ZNF362: variants seen among roughly 807,000 people sequenced by gnomAD.
The protein encoded by ZNF362 is zinc finger protein 362.
ZNF362 carries 11 observed loss-of-function variants against 42.9 expected under a neutral mutation model. The observed-to-expected ratio is 0.26, with a 90% confidence interval of 0.16 to 0.42. ZNF362 has a LOEUF of 0.42. ZNF362 is among the 20% of genes least tolerant of loss of function. The pLI is 1.00. For missense variants in ZNF362, 362 were observed against 576.2 expected, an observed-to-expected ratio of 0.63 and a Z score of 3.81; for synonymous variants, 255 against 257.3, an observed-to-expected ratio of 0.99 and a Z score of 0.09.
the ZNF362 span, among the ~76,000 whole-genome samples, chr1:33,173,624 A>G: frequency 6.6e-6 from 1 of 151,568 alleles, no homozygotes; most frequent in Non-Finnish European, 1.5e-5. Flanking sequence ...CCTGAGTTCA[A>G]GTTTCAGCTT....
chr1:33,131,840 A>C, the ZNF362 span, among the ~76,000 whole-genome samples: 1 of 152,110 alleles, frequency 6.6e-6, no homozygotes, highest in Non-Finnish European at 1.5e-5. Flanking sequence ...TACCAACTTT[A>C]TCTCTCTCAG....
chr1:33,265,880 C>A (rs1358508551), intron 1 of ZNF362, among the ~76,000 whole-genome samples: 6 of 152,198 alleles, frequency 3.9e-5, no homozygotes, highest in Non-Finnish European at 8.8e-5. Flanking sequence ...GCCACCCCAC[C>A]CTTCTTCCCT....
intron 6 of ZNF362, among the ~76,000 whole-genome samples, chr1:33,290,647 C>T (rs1217977033): frequency 6.6e-6 from 1 of 151,462 alleles, no homozygotes; most frequent in Non-Finnish European, 1.5e-5. Context: ...ACACTGACTT[C>T]CACAATGGTT....
the ZNF362 span, among the ~76,000 whole-genome samples, chr1:33,226,406 A>G: frequency 2.0e-5 from 3 of 152,238 alleles, no homozygotes; most frequent in Non-Finnish European, 2.9e-5. Flanking sequence ...GAATATTCAT[A>G]GCAGCATTAT....
the ZNF362 span, among the ~76,000 whole-genome samples, chr1:33,129,931 C>G: frequency 6.1e-4 from 93 of 152,264 alleles, no homozygotes; most frequent in Admixed American, 6.1e-3. The surrounding 1 kb of genome is among the most constrained non-coding windows in gnomAD (Gnocchi z 4.1). Context: ...GTCATCTTGG[C>G]TCACTGCAGC....
the ZNF362 span, chr1:33,194,866 G>A: frequency 6.6e-6 from 1 of 152,070 alleles, no homozygotes; most frequent in South Asian, 2.1e-4. Flanking sequence ...TAGATTAGTA[G>A]TTCTACAAGG....
chr1:33,166,743 A>G, the ZNF362 span, among the ~76,000 whole-genome samples: 1 of 152,102 alleles, frequency 6.6e-6, no homozygotes, highest in Non-Finnish European at 1.5e-5. Flanking sequence ...AATAACAACA[A>G]ATCCACAACA....
chr1:33,248,441 T>C, the ZNF362 span, among the ~76,000 whole-genome samples: 1 of 152,254 alleles, frequency 6.6e-6, no homozygotes, highest in African/African-American at 2.4e-5. Flanking sequence ...TGCAGATCTA[T>C]GTAACCAGTT....
rs1645992376 is a variant in ZNF362 at position 33,281,283 on chromosome 1, C to G, written c.684-304C>G. On this transcript the variant is annotated intron_variant, in intron 5 of 8. Coordinates refer to ENST00000539719, the MANE Select transcript of ZNF362 (RefSeq NM_152493.3). This position sits in a 1 kb window ranked among gnomAD's most constrained non-coding sequence, Gnocchi z 4.8. The stretch of plus-strand genomic sequence containing the variant: ...GAACTACTTCACGTGGTAGCGCCTC[C>G]TGCCCAGAACCGTGGGATATAGCCC... Among the ~76,000 whole-genome samples, 1 of 152,166 alleles carries G rather than the reference C, an allele frequency of 6.6e-6. No individual in the cohort carries two copies. Among genetic ancestry groups the G allele is most frequent in the African/African-American group, 2.4e-5 (1 of 41,428 alleles).
chr1:33,150,550 A>G, the ZNF362 span, among the ~76,000 whole-genome samples: 1 of 152,234 alleles, frequency 6.6e-6, no homozygotes, highest in African/African-American at 2.4e-5. Flanking sequence ...TTGTGAATAG[A>G]GGGGTCAATG....
At chr1:33,210,423 T>C in the ZNF362 span, among the ~76,000 whole-genome samples, 1 of 152,224 alleles carries the variant, frequency 6.6e-6, no homozygotes, top group Non-Finnish European at 1.5e-5. Context: ...TGAAGAATTC[T>C]GTAGATGTCT....
the ZNF362 span, among the ~76,000 whole-genome samples, chr1:33,153,285 G>T: frequency 6.6e-6 from 1 of 152,240 alleles, no homozygotes; most frequent in African/African-American, 2.4e-5. Context: ...CAGCCAACCA[G>T]GCTGCTGCTC....
At chr1:33,271,295 G>A (rs1316227082) in intron 2 of ZNF362, among the ~76,000 whole-genome samples, 1 of 152,186 alleles carries the variant, frequency 6.6e-6, no homozygotes, top group East Asian at 1.9e-4. Flanking sequence ...TCCTCGCCTG[G>A]GGGGCCTTTG....
the ZNF362 span, among the ~76,000 whole-genome samples, chr1:33,130,485 A>G: frequency 6.6e-6 from 1 of 152,212 alleles, no homozygotes; most frequent in Non-Finnish European, 1.5e-5. Flanking sequence ...GTCAAAGAAC[A>G]GATGACTAAT....
At chr1:33,241,721 A>T in the ZNF362 span, among the ~76,000 whole-genome samples, 1 of 152,240 alleles carries the variant, frequency 6.6e-6, no homozygotes, top group South Asian at 2.1e-4. Flanking sequence ...ACAACAGAAG[A>T]TGCCGGTCTT....
chr1:33,278,761 A>G (rs1012569020), intron 4 of ZNF362, among the ~76,000 whole-genome samples: 3 of 152,124 alleles, frequency 2.0e-5, no homozygotes, highest in Non-Finnish European at 4.4e-5. Flanking sequence ...TTTTCACCTG[A>G]CAGCTCATTT....
the ZNF362 span, among the ~76,000 whole-genome samples, chr1:33,156,145 GT>G: frequency 9.8e-5 from 15 of 152,326 alleles, no homozygotes; most frequent in African/African-American, 3.6e-4. Context: ...AGTCAAGACT[GT>G]CACTCCTGCA....
the ZNF362 span, among the ~76,000 whole-genome samples, chr1:33,144,398 A>G: frequency 6.6e-6 from 1 of 152,162 alleles, no homozygotes. Context: ...TTGGCCTCCC[A>G]AAGTGTTGGG....
chr1:33,203,653 A>G, the ZNF362 span, among the ~76,000 whole-genome samples: 1 of 152,150 alleles, frequency 6.6e-6, no homozygotes, highest in East Asian at 1.9e-4. Context: ...TCTTTTTGAT[A>G]ATAACCATCT....
Sources: allele counts gnomAD v4.1 joint callset (sites outside exome capture counted in the v4.1 genomes callset), GRCh38; gene constraint gnomAD v4.1.1; non-coding constraint Gnocchi (gnomAD v3.1); transcripts MANE v1.5; gene names NCBI Gene and HGNC (gene_info 2026-07-23, HGNC 2026-07-21).